The following TGM4 variants were observed in gnomAD, a reference collection of about 807,000 sequenced individuals.
The protein encoded by TGM4 is transglutaminase 4.
In TGM4, 61 loss-of-function variants were observed where a neutral mutation model predicts 76.3. That is an observed-to-expected ratio of 0.80 (90% CI 0.65 to 0.99). TGM4 has a LOEUF of 0.99. Ranked by LOEUF, TGM4 falls within the 50% of genes least tolerant of loss-of-function variation. The pLI, the probability that TGM4 is intolerant of heterozygous loss-of-function variation, is 0.00. For missense variants in TGM4, 794 were observed against 843.2 expected (o/e 0.94, Z 0.72); for synonymous variants, 337 against 329.8 (o/e 1.02, Z -0.24).
intron 6 of TGM4, among the ~76,000 whole-genome samples, chr3:44,897,789 C>A (rs545785695): frequency 2.0e-5 from 3 of 152,074 alleles, no homozygotes. Context: ...ACATAAATAA[C>A]GTATTTTTAT....
intron 1 of TGM4, among the ~76,000 whole-genome samples, chr3:44,882,820 G>C (rs532453483): frequency 6.6e-6 from 1 of 152,204 alleles, no homozygotes; most frequent in African/African-American, 2.4e-5. Context: ...ATGCCCATCT[G>C]CCTAACATTA....
Position 44,887,718 on chromosome 3 carries a change from C to G in TGM4, c.223C>G (p.Leu75Val), listed in dbSNP as rs776264030. 9 of 1,614,050 alleles carry G rather than the reference C, an allele frequency of 5.6e-6. No individual in the cohort carries two copies. Among genetic ancestry groups the G allele is most frequent in the Admixed American group, 1.7e-5 (1 of 60,004 alleles). The change falls in exon 3 of 14, where the codon CTG (leucine) becomes GTG (valine). Residue 75 changes from leucine (L) to valine (V), a missense_variant. Coordinates refer to ENST00000296125, the MANE Select transcript of TGM4 (RefSeq NM_003241.4). ...GAATCCTAGCATCGCCAAACACACC[C>G]TGGTGGTGCTCGACCCGAGGACGCC... ...GPNPSIAKHT[L>V]VVLDPRTPSD... is the part of the protein sequence containing the mutation.
Position 44,907,020 on chromosome 3 carries a change from A to C in TGM4, c.1147A>C (p.Arg383=), listed in dbSNP as rs1473039722. The change falls in exon 10 of 14, where the codon AGA becomes CGA. Residue 383 remains arginine, a synonymous_variant. Transcript: ENST00000296125. The part of the protein sequence containing the change: ...KGDIFIVYDT[R]FVFSEVNGDR... ...TGACATCTTTATTGTCTATGACACC[A>C]GATTCGTCTTCTCAGAAGTGAATGG... is the stretch of plus-strand genomic sequence containing the variant. 6.2e-7 allele frequency: 1 copy of C among 1,614,166 alleles called. No homozygotes were observed.
chr3:44,897,556 G>A (rs1699796591), intron 6 of TGM4, among the ~76,000 whole-genome samples: 1 of 152,218 alleles, frequency 6.6e-6, no homozygotes, highest in Non-Finnish European at 1.5e-5. Flanking sequence ...AAACAGGATG[G>A]TTGGTCACTC....
At chr3:44,880,542 G>A (rs151147777) in intron 1 of TGM4, among the ~76,000 whole-genome samples, 5 of 152,250 alleles carry the variant, frequency 3.3e-5, no homozygotes, top group South Asian at 4.2e-4. Flanking sequence ...ATGGACACTG[G>A]GGGGTGGGGG....
At chr3:44,877,740 G>A (rs1402559246) in intron 1 of TGM4, among the ~76,000 whole-genome samples, 1 of 152,144 alleles carries the variant, frequency 6.6e-6, no homozygotes, top group Non-Finnish European at 1.5e-5. Context: ...TGGTGCAGTC[G>A]CTAGAAGGCT....
intron 5 of TGM4, 96 bp downstream of exon 5, chr3:44,893,791 G>A (rs979662120): frequency 5.7e-5 from 66 of 1,154,788 alleles, no homozygotes; most frequent in Non-Finnish European, 7.8e-5. Flanking sequence ...AGAAAGGGTT[G>A]TGAACCTCGG....
rs1213557337 is a variant in TGM4, at chr3:44,892,401, C to T, written c.431-1176C>T. 8.7e-5 allele frequency among the ~76,000 whole-genome samples: 11 copies of T among 126,722 alleles called. No individual in the cohort carries two copies. In the East Asian group the frequency reaches 1.1e-3, roughly 13 times the overall value. The allele number at this position is 126,722 out of a possible 152,430, so 83.1% of individuals were successfully genotyped here. On this transcript the variant is annotated intron_variant, in intron 4 of 13. Transcript: ENST00000296125. ...TTTTGAGACGGAGTTTCACTCTTGT[C>T]GCCCAGGCTGGAGTGCAATGGCGCA...
chr3:44,900,828 G>A (rs1343651923), intron 6 of TGM4: 1 of 152,314 alleles, frequency 6.6e-6, no homozygotes, highest in Non-Finnish European at 1.5e-5. Flanking sequence ...GTTTTAATAA[G>A]GTGGAAAGGA....
At chr3:44,896,611 G>T in intron 5 of TGM4, 98 bp from the exon 6 acceptor site, 1 of 1,091,956 alleles carries the variant, frequency 9.2e-7, no homozygotes, top group Non-Finnish European at 1.4e-6. Context: ...GATGGGTTAC[G>T]CTACAGGGTG....
In TGM4 at chr3:44,879,972, AT is replaced by A. The variant is rs1033895728; in HGVS notation, c.19+5284del. Reference sequence around the variant, plus strand: ...ATCACCATTCTCAGTTAATTAAATAATTTTTTTTTAAAGACAGGGTTTCTCT... The same window carrying A: ...ATCACCATTCTCAGTTAATTAAATAATTTTTTTTAAAGACAGGGTTTCTCT... On this transcript the variant is annotated intron_variant, in intron 1 of 13. Coordinates refer to ENST00000296125, the MANE Select transcript of TGM4 (RefSeq NM_003241.4). 1.5e-3 allele frequency among the ~76,000 whole-genome samples: 229 copies of A among 150,040 alleles called. 2 individuals are homozygous for A. The highest frequency in any genetic ancestry group is 4.9e-3 in the African/African-American group (202 of 40,816).
chr3:44,889,998 A>G (rs1301881683), intron 3 of TGM4, among the ~76,000 whole-genome samples: 2 of 152,168 alleles, frequency 1.3e-5, no homozygotes, highest in African/African-American at 4.8e-5. Flanking sequence ...CAATCATGGC[A>G]GAAGAGGAAG....
chr3:44,898,450 G>A (rs1333742888), intron 6 of TGM4, among the ~76,000 whole-genome samples: 3 of 152,188 alleles, frequency 2.0e-5, no homozygotes, highest in African/African-American at 4.8e-5. Flanking sequence ...ATGAGAGAAT[G>A]AGAGTGAAGA....
intron 1 of TGM4, among the ~76,000 whole-genome samples, chr3:44,877,536 G>C (rs1699466696): frequency 6.6e-6 from 1 of 151,888 alleles, no homozygotes; most frequent in African/African-American, 2.4e-5. Flanking sequence ...AGGCTGCAGT[G>C]AGCCATGATT....
rs181900775 is a variant in TGM4, at chr3:44,893,585, G to A, written c.439G>A (p.Val147Ile). The change falls in exon 5 of 14, where the codon GTT (valine) becomes ATT (isoleucine). Residue 147 changes from valine (V) to isoleucine (I), a missense_variant. By Grantham distance (29) the Val-to-Ile change is conservative (BLOSUM62 3). Coordinates refer to ENST00000296125, the MANE Select transcript of TGM4 (RefSeq NM_003241.4). ...LFNPWCKEDM[V>I]FMPDEDERKE... is the part of the protein sequence containing the mutation. ...GTGTGGTCTTGCTTCAGAGGACATG[G>A]TTTTCATGCCTGATGAGGACGAGCG... The A allele has an allele frequency of 1.9e-6, 3 of 1,613,730 alleles. No homozygotes were observed. The highest frequency in any genetic ancestry group is 1.3e-5 in the African/African-American group (1 of 74,984).
intron 6 of TGM4, among the ~76,000 whole-genome samples, chr3:44,898,230 A>G (rs1699806489): frequency 6.7e-6 from 1 of 150,176 alleles, no homozygotes; most frequent in Non-Finnish European, 1.5e-5. Flanking sequence ...GCAGTGAGCC[A>G]AGATCGCACC....
chr3:44,907,182 G>T lies in TGM4; in HGVS notation c.1309G>T (p.Glu437Ter), dbSNP rs1395388. 1.2e-6 allele frequency: 2 copies of T among 1,613,760 alleles called. No individual in the cohort carries two copies. Among genetic ancestry groups the T allele is most frequent in the Non-Finnish European group, 1.7e-6 (2 of 1,180,004 alleles). The change falls in exon 10 of 14, where the codon GAG becomes TAG. Residue 437 changes from glutamate (E) to a stop codon, truncating the protein, a stop_gained. Coordinates refer to ENST00000296125, the MANE Select transcript of TGM4 (RefSeq NM_003241.4). LOFTEE classifies it high-confidence loss of function. Reference protein sequence around the residue: ...GQDRRRDITYEYKYPEGSSEE... With the variant: ...GQDRRRDITY ...AGACAGGCGGAGAGATATCACCTAT[G>T]AGTACAAGTATCCAGAAGGTGCTAG... is the stretch of plus-strand genomic sequence containing the variant.
At chr3:44,904,151 G>A (rs1483880122) in intron 9 of TGM4, among the ~76,000 whole-genome samples, 164 bp downstream of exon 9, 1 of 152,206 alleles carries the variant, frequency 6.6e-6, no homozygotes, top group Non-Finnish European at 1.5e-5. Flanking sequence ...CCACTGAGCA[G>A]GGGCTTCAGT....
chr3:44,885,650 G>T (rs906374769), intron 2 of TGM4, 152 bp downstream of exon 2: 9 of 832,478 alleles, frequency 1.1e-5, no homozygotes, highest in Non-Finnish European at 1.3e-5. Context: ...AATAATAGCG[G>T]GTGTGAAGAG....
Sources: allele counts gnomAD v4.1 joint callset (sites outside exome capture counted in the v4.1 genomes callset), GRCh38; gene constraint gnomAD v4.1.1; transcripts MANE v1.5; gene names NCBI Gene and HGNC (gene_info 2026-07-23, HGNC 2026-07-21).